PKD1: variants seen among roughly 807,000 people sequenced by gnomAD.
PKD1 encodes the protein polycystin 1, transient receptor potential channel interacting.
Under a neutral mutation model 361.7 loss-of-function variants are expected in PKD1, and 81 were observed. The ratio of observed to expected loss-of-function variants is 0.22; its 90% CI spans 0.19 to 0.27. The LOEUF (loss-of-function observed/expected upper bound fraction) is 0.27, where lower values mean the gene tolerates loss of function less well. Among genes scored for constraint, PKD1 ranks in the 10% least tolerant of loss-of-function variants. PKD1 has a pLI of 1.00. For missense variants in PKD1, 6,399 were observed against 6,118.3 expected (o/e 1.05, Z -1.53); for synonymous variants, 3,615 against 2,818.3 (o/e 1.28, Z -8.95).
In PKD1 at chr16:2,107,981, C is replaced by T. The variant is rs1312124972; in HGVS notation, c.6967G>A (p.Val2323Ile). 1 of 1,548,404 alleles carries T rather than the reference C, an allele frequency of 6.5e-7. No individual in the cohort carries two copies. The highest frequency in any genetic ancestry group is 8.7e-7 in the Non-Finnish European group (1 of 1,147,184). Residue 2323 changes from valine (V) to isoleucine (I), a missense_variant, in exon 16 of 46, where the codon GTC becomes ATC. By Grantham distance (29) the Val-to-Ile change is conservative. Transcript: ENST00000262304. ...GCCAGCCGCTCCCGTGGAATGGTGA[C>T]CGTGCTGCTCCCGCGGGGCCCAAAG... ...LNFGPRGSST[V>I]TIPRERLAAG...
Position 2,112,862 on chromosome 16 carries a change from G to C in PKD1, c.3087C>G (p.Ala1029=). Residue 1029 remains alanine (A), a synonymous_variant, in exon 13 of 46, where the codon GCC becomes GCG. Transcript: ENST00000262304. ...MQGLQVSTVP[A]VLSPNATLAL... is the part of the protein sequence containing the mutation. ...CTAGCGTGGCATTGGGGGACAGCAC[G>C]GCCGGCACTGTGGAGACCTGCAGAC... The C allele has an allele frequency of 6.2e-7, 1 of 1,606,176 alleles. No homozygotes were observed. Among genetic ancestry groups the C allele is most frequent in the Non-Finnish European group, 8.5e-7 (1 of 1,179,630 alleles).
Position 2,106,753 on chromosome 16 carries a change from C to A in PKD1, c.7209+52G>T, listed in dbSNP as rs763055781. On this transcript the variant is annotated intron_variant, in intron 17 of 45. Transcript: ENST00000262304. The surrounding 1 kb of genome is among the most constrained non-coding windows in gnomAD (Gnocchi z 6.5). ...CCACTTCTGCCTGCAGGCCCCGTCCCCTCGGCCATGGGACCCATCCCCAGC... is the reference window on the plus strand; with the variant it reads ...CCACTTCTGCCTGCAGGCCCCGTCCACTCGGCCATGGGACCCATCCCCAGC... The A allele has an allele frequency of 6.6e-7, 1 of 1,507,546 alleles. No individual in the cohort carries two copies. The highest frequency in any genetic ancestry group is 1.4e-5 in the African/African-American group (1 of 71,420). 93.4% of individuals were successfully genotyped at this position (1,507,546 alleles called of 1,614,324 possible).
rs2092593654 is a variant in PKD1, at chr16:2,114,355, T to C, written c.2668A>G (p.Asn890Asp). The change falls in exon 11 of 46, where the codon AAC (asparagine) becomes GAC (aspartate). Residue 890 changes from asparagine (N) to aspartate (D), a missense_variant. Transcript: ENST00000262304. ...TFVPGCPWET[N>D]DTLFSVVALP... ...GCTACCACTGAGAACAGGGTATCGTTGGTCTCCCAGGGGCAGCCGGGCACG... is the reference window on the plus strand; with the variant it reads ...GCTACCACTGAGAACAGGGTATCGTCGGTCTCCCAGGGGCAGCCGGGCACG... 6.2e-7 allele frequency: 1 copy of C among 1,610,258 alleles called. No homozygotes were observed. The highest frequency in any genetic ancestry group is 8.5e-7 in the Non-Finnish European group (1 of 1,179,646).
chr16:2,090,168 C>G lies in PKD1; in HGVS notation c.12471G>C (p.Gly4157=), dbSNP rs1452843043. ...AGGAGCGAGAGGGCAGCGGCTCCAT[C>G]CCTTCAAAGCGGACTTTGTGGCGGA... ...KEFRHKVRFE[G]MEPLPSRSSR... The change falls in exon 46 of 46, where the codon GGG becomes GGC. Residue 4157 remains glycine (G), a synonymous_variant. Coordinates refer to ENST00000262304, the MANE Select transcript of PKD1 (RefSeq NM_001009944.3). The G allele has an allele frequency of 6.3e-7, 1 of 1,598,796 alleles. No homozygotes were observed. The highest frequency in any genetic ancestry group is 1.7e-5 in the Admixed American group (1 of 59,220).
In PKD1 at chr16:2,100,049, G is replaced by A. The variant is rs2092026882; in HGVS notation, c.9735C>T (p.Phe3245=). 1 of 1,592,314 alleles carries A rather than the reference G, an allele frequency of 6.3e-7. No homozygotes were observed. The highest frequency in any genetic ancestry group is 8.5e-7 in the Non-Finnish European group (1 of 1,170,936). Residue 3245 remains phenylalanine (F), a synonymous_variant, in exon 29 of 46, where the codon TTC becomes TTT. Coordinates refer to ENST00000262304, the MANE Select transcript of PKD1 (RefSeq NM_001009944.3). This position sits in a 1 kb window ranked among gnomAD's most constrained non-coding sequence, Gnocchi z 4.4. ...GCAGCTCAGCCACCAGCAGGCGCCG[G>A]AAGCGCAAAAGGGCTGCGTCGCCTA... ...LAASDAALLR[F]RRLLVAELQR... is the part of the protein sequence containing the mutation.
At chr16:2,099,596 G>T (rs780332498) in intron 30 of PKD1, 48 bp downstream of exon 30, 3 of 1,541,748 alleles carry the variant, frequency 1.9e-6, no homozygotes, top group Non-Finnish European at 2.6e-6. Context: ...ATGGTGCCGA[G>T]GCCCAGGCTC....
At position 2,116,515 on chromosome 16, in the gene PKD1, G is replaced by C. The variant is rs183645226; in HGVS notation, c.1722+14C>G. 2.8e-6 allele frequency: 4 copies of C among 1,405,806 alleles called. No individual in the cohort carries two copies. The highest frequency in any genetic ancestry group is 2.8e-5 in the African/African-American group (2 of 70,530). 87.1% of individuals were successfully genotyped at this position (1,405,806 alleles called of 1,614,324 possible). ...GGCAGGAGGGCAGGTTGTAGAACGT[G>C]GGGGGCCGACTACCTCCACGGGCTC... is the stretch of plus-strand genomic sequence containing the variant. On this transcript the variant is annotated intron_variant, in intron 8 of 45. Transcript: ENST00000262304.
At chr16:2,116,692 C>G (rs2151820059) in intron 7 of PKD1, 48 bp from the exon 8 acceptor site, 1 of 1,237,890 alleles carries the variant, frequency 8.1e-7, no homozygotes, top group African/African-American at 1.5e-5. Context: ...GCCCAGGACA[C>G]CAGGACGAAC....
In PKD1 at chr16:2,091,906, C is replaced by A; in HGVS notation, c.11412G>T (p.Gly3804=). ...TWAYSAPDLL[G]AWSWGSCAVY... is the part of the protein sequence containing the mutation. ...CGGCACAGGAGCCCCAGGACCATGCCCTGCCGGAGAGGGGTGGCGTGGGTG... is the reference window on the plus strand; with the variant it reads ...CGGCACAGGAGCCCCAGGACCATGCACTGCCGGAGAGGGGTGGCGTGGGTG... The change falls in exon 41 of 46, where the codon GGG becomes GGT. Residue 3804 remains glycine, a splice_region_variant and synonymous_variant. Coordinates refer to ENST00000262304, the MANE Select transcript of PKD1 (RefSeq NM_001009944.3). The A allele has an allele frequency of 3.1e-6, 5 of 1,611,662 alleles. No individual in the cohort carries two copies. Among genetic ancestry groups the A allele is most frequent in the Non-Finnish European group, 3.4e-6 (4 of 1,179,622 alleles).
At position 2,110,256 on chromosome 16, in the gene PKD1, C is replaced by T. The variant is rs1433571311; in HGVS notation, c.4911G>A (p.Val1637=). Residue 1637 remains valine, a synonymous_variant, in exon 15 of 46, where the codon GTG becomes GTA. Transcript: ENST00000262304. ...TGGGGAAGTAGCGGCCACCGCCCAC[C>T]ACCTGCAGCCCCTCTATGAGCTGCA... is the stretch of plus-strand genomic sequence containing the variant. ...YVLQLIEGLQ[V]VGGGRYFPTN... 1 of 1,612,426 alleles carries T rather than the reference C, an allele frequency of 6.2e-7. No homozygotes were observed. The highest frequency in any genetic ancestry group is 1.1e-5 in the South Asian group (1 of 91,068).
Position 2,089,101 on chromosome 16 carries a change from TG to T in PKD1, c.*625del, listed in dbSNP as rs1214502012. ...GATGAGAGTGCCTGGCAGACAGCTG[TG>T]CCCCCAGCACCGGCCCAAGGCCAAG... is the stretch of plus-strand genomic sequence containing the variant. On this transcript the variant is annotated 3_prime_UTR_variant, in exon 46 of 46. Transcript: ENST00000262304. 2 of 176,390 alleles carry T rather than the reference TG, an allele frequency of 1.1e-5. No individual in the cohort carries two copies. The highest frequency in any genetic ancestry group is 1.1e-4 in the Admixed American group (2 of 18,384). The allele number at this position is 176,390 out of a possible 1,614,324, so 10.9% of individuals were successfully genotyped here. A position where few individuals can be genotyped will look rare whatever the true frequency, so the allele number is the denominator to read the frequency against.
chr16:2,091,339 G>C (rs898396140), intron 42 of PKD1, 84 bp downstream of exon 42: 2 of 582,276 alleles, frequency 3.4e-6, no homozygotes, highest in Non-Finnish European at 4.3e-6. Context: ...GCTGCGAGGG[G>C]TGAGACGCTG....
Position 2,106,606 on chromosome 16 carries a change from T to C in PKD1, c.7281A>G (p.Ala2427=), listed in dbSNP as rs776229960. The C allele has an allele frequency of 3.1e-6, 5 of 1,598,464 alleles. No individual in the cohort carries two copies. The South Asian group carries it at 4.4e-5, about 14-fold the overall frequency. Residue 2427 remains alanine (A), a synonymous_variant, in exon 18 of 46, where the codon GCA becomes GCG. Coordinates refer to ENST00000262304, the MANE Select transcript of PKD1 (RefSeq NM_001009944.3). This position sits in a 1 kb window ranked among gnomAD's most constrained non-coding sequence, Gnocchi z 6.5. ...LDETTTSTGS[A]GMRLVLRRGV... The stretch of plus-strand genomic sequence containing the variant: ...CCCGCCGCAGCACCAGTCGCATGCC[T>C]GCACTGCCCGTGGATGTGGTGGTCT...
Position 2,110,748 on chromosome 16 carries a change from G to A in PKD1, c.4419C>T (p.Val1473=), listed in dbSNP as rs2092480873. The stretch of plus-strand genomic sequence containing the variant: ...GCAGCTCCAGCCCAAGGGAGCCATT[G>A]ACCTTGATGCTGGTGACCAGCACGG... The part of the protein sequence containing the change: ...QEPVLVTSIK[V]NGSLGLELQQ... The change falls in exon 15 of 46, where the codon GTC becomes GTT. Residue 1473 remains valine, a synonymous_variant. Coordinates refer to ENST00000262304, the MANE Select transcript of PKD1 (RefSeq NM_001009944.3). 1.9e-6 allele frequency: 3 copies of A among 1,610,436 alleles called. No individual in the cohort carries two copies. The highest frequency in any genetic ancestry group is 1.1e-5 in the South Asian group (1 of 90,988).
In PKD1 at chr16:2,102,879, C is replaced by T. The variant is rs758924961; in HGVS notation, c.8883G>A (p.Arg2961=). The T allele has an allele frequency of 6.2e-7, 1 of 1,610,214 alleles. No homozygotes were observed. The highest frequency in any genetic ancestry group is 8.5e-7 in the Non-Finnish European group (1 of 1,179,758). ...RPNEHNCSAS[R]RIRPESLQGA... ...CCTGGAGTGACTCTGGGCGGATCCTCCTGCTAGCCGAGCAGTTGTGCTCAT... is the reference window on the plus strand; with the variant it reads ...CCTGGAGTGACTCTGGGCGGATCCTTCTGCTAGCCGAGCAGTTGTGCTCAT... The change falls in exon 24 of 46, where the codon AGG becomes AGA. Residue 2961 remains arginine (R), a synonymous_variant. Transcript: ENST00000262304.
At position 2,109,070 on chromosome 16, in the gene PKD1, C is replaced by T. The variant is rs771364071; in HGVS notation, c.6097G>A (p.Ala2033Thr). 5.6e-5 allele frequency: 90 copies of T among 1,605,490 alleles called. No individual in the cohort carries two copies. The highest frequency in any genetic ancestry group is 8.4e-5 in the Admixed American group (5 of 59,878). Residue 2033 changes from alanine to threonine, a missense_variant, in exon 15 of 46, where the codon GCG becomes ACG. Ala to Thr is a moderately conservative substitution (Grantham distance 58). Transcript: ENST00000262304. ...GRDVTYTPVA[A>T]GLLEIQVRAF... is the part of the protein sequence containing the mutation. ...CGCACCTGGATCTCCAACAGCCCCG[C>T]GGCCACGGGCGTGTAGGTGACGTCG...
chr16:2,120,521 G>C (rs2092704159), intron 1 of PKD1, among the ~76,000 whole-genome samples: 1 of 152,124 alleles, frequency 6.6e-6, no homozygotes, highest in African/African-American at 2.4e-5. Context: ...GGACAGCATA[G>C]CAAGACCCCA....
chr16:2,128,511 A>C (rs2092826259), intron 1 of PKD1, among the ~76,000 whole-genome samples: 1 of 152,166 alleles, frequency 6.6e-6, no homozygotes, highest in East Asian at 1.9e-4. Context: ...GTGCGGCTGC[A>C]GGGGTCTGCC....
rs3209986 is a variant in PKD1, at chr16:2,090,553, G to A, written c.12176C>T (p.Ala4059Val). The A allele has an allele frequency of 0.072, 115,095 of 1,609,152 alleles. 4,643 individuals are homozygous for A. The highest frequency in any genetic ancestry group is 0.077 in the Non-Finnish European group (90,425 of 1,179,292). Residue 4059 changes from alanine to valine, a missense_variant, in exon 45 of 46, where the codon GCC becomes GTC. Ala to Val is a moderately conservative substitution (Grantham distance 64, BLOSUM62 0). Coordinates refer to ENST00000262304, the MANE Select transcript of PKD1 (RefSeq NM_001009944.3). ...SSCVDSLWSV[A>V]QALLVLCPGT... is the part of the protein sequence containing the mutation. The stretch of plus-strand genomic sequence containing the variant: ...AGGGCACAGCACCAACAGGGCCTGG[G>A]CCACGCTCCAGAGGGAGTCCACACA...
Sources: gnomAD v4.1 joint callset for allele counts (sites outside exome capture counted in the v4.1 genomes callset) on GRCh38, gnomAD v4.1.1 for gene constraint, Gnocchi (gnomAD v3.1) non-coding constraint, MANE v1.5 for transcripts, NCBI Gene and HGNC (gene_info 2026-07-23, HGNC 2026-07-21) for gene names.